Variants in ZMYM2 observed in about 807,000 individuals in gnomAD.
ZMYM2 encodes zinc finger MYM-type containing 2, also known as zinc finger MYM-type protein 2.
Under a neutral mutation model 162.8 loss-of-function variants are expected in ZMYM2, and 56 were observed. The observed-to-expected ratio is 0.34, with a 90% CI of 0.28 to 0.43. The LOEUF is 0.43. ZMYM2 is among the 20% of genes least tolerant of loss of function. The pLI, the probability that ZMYM2 is intolerant of heterozygous loss-of-function variation, is 1.00. For synonymous variants in ZMYM2, 510 were observed against 541.6 expected, an observed-to-expected ratio of 0.94 and a Z score of 0.81; for missense variants, 1,275 against 1,621.8, an observed-to-expected ratio of 0.79 and a Z score of 3.67.
intron 14 of ZMYM2, among the ~76,000 whole-genome samples, chr13:20,057,766 A>G (rs966370514): frequency 2.0e-5 from 3 of 152,226 alleles, no homozygotes; most frequent in African/African-American, 7.2e-5. Context: ...TTGCGACCAG[A>G]GGCTCACAGG....
At chr13:19,909,463 A>C in the ZMYM2 span, among the ~76,000 whole-genome samples, 1 of 112,050 alleles carries the variant, frequency 8.9e-6, no homozygotes, top group African/African-American at 3.6e-5. Flanking sequence ...CAAGAGTTTC[A>C]CTCTTGTCGT....
In ZMYM2 at chr13:20,087,534, A is replaced by T. The variant is rs1593305331; in HGVS notation, c.*1520A>T. On this transcript the variant is annotated 3_prime_UTR_variant, in exon 25 of 25. Transcript: ENST00000610343. ...CCATAGTGGCTAGCAATTGCTACAC[A>T]TCCTTAGATACTCCTCTCTCCCATA... The T allele has an allele frequency of 5.4e-6, 1 of 186,106 alleles. No homozygotes were observed. The highest frequency in any genetic ancestry group is 2.0e-4 in the South Asian group (1 of 5,114). 11.5% of individuals were successfully genotyped at this position (186,106 alleles called of 1,614,324 possible).
At chr13:20,083,127 G>C in intron 23 of ZMYM2, 95 bp downstream of exon 23, 2 of 1,309,000 alleles carry the variant, frequency 1.5e-6, no homozygotes, top group Non-Finnish European at 2.1e-6. Context: ...CAGTGGTGCA[G>C]TCTCGGCTCA....
chr13:19,872,419 G>A, the ZMYM2 span, among the ~76,000 whole-genome samples: 1 of 151,992 alleles, frequency 6.6e-6, no homozygotes, highest in African/African-American at 2.4e-5. Context: ...GCATGGTGGT[G>A]GGTGCCTGTA....
intron 12 of ZMYM2, among the ~76,000 whole-genome samples, chr13:20,045,104 A>C (rs374335603): frequency 3.2e-4 from 49 of 151,972 alleles, no homozygotes; most frequent in African/African-American, 1.2e-3. Context: ...CATGACTTCA[A>C]ATTTGTTAAG....
intron 7 of ZMYM2, among the ~76,000 whole-genome samples, chr13:20,022,989 TTTA>T (rs151289683): frequency 0.017 from 2,608 of 152,260 alleles, 32 homozygotes; most frequent in Middle Eastern, 0.051. Flanking sequence ...GCTGCTTTAT[TTTA>T]ATGTATTTAG....
chr13:19,903,411 G>A, the ZMYM2 span, among the ~76,000 whole-genome samples: 1,522 of 149,282 alleles, frequency 0.01, 32 homozygotes, highest in African/African-American at 0.036. Context: ...AGGCTGAGGC[G>A]GGCGGATCAC....
At chr13:19,952,821 T>C in the ZMYM2 span, among the ~76,000 whole-genome samples, 2 of 152,204 alleles carry the variant, frequency 1.3e-5, no homozygotes, top group African/African-American at 4.8e-5. Context: ...CTGAAGAAAC[T>C]GAGGCTCAAA....
chr13:19,865,762 G>A, the ZMYM2 span, among the ~76,000 whole-genome samples: 1 of 152,082 alleles, frequency 6.6e-6, no homozygotes. Flanking sequence ...CAATGAAAAC[G>A]CTCACCTCAG....
the ZMYM2 span, among the ~76,000 whole-genome samples, chr13:19,901,778 C>T: frequency 6.6e-6 from 1 of 151,904 alleles, no homozygotes; most frequent in Non-Finnish European, 1.5e-5. Flanking sequence ...CCTGGCCCAA[C>T]TTTTTTTAAA....
intron 2 of ZMYM2, among the ~76,000 whole-genome samples, chr13:19,978,247 C>G (rs1183072160): frequency 7.2e-5 from 11 of 152,160 alleles, no homozygotes; most frequent in Middle Eastern, 3.4e-3. Context: ...TGGATAGAAC[C>G]ACCAAACAGA....
At chr13:20,078,278 CTTTA>C (rs1957656079) in intron 21 of ZMYM2, among the ~76,000 whole-genome samples, 1 of 151,980 alleles carries the variant, frequency 6.6e-6, no homozygotes, top group South Asian at 2.1e-4. Context: ...ATTAATGAAG[CTTTA>C]TTCATATAAC....
chr13:19,961,694 G>A (rs901728522), intron 2 of ZMYM2, among the ~76,000 whole-genome samples: 3 of 152,194 alleles, frequency 2.0e-5, no homozygotes, highest in African/African-American at 4.8e-5. Flanking sequence ...GTCAACATAT[G>A]TATACTAACG....
chr13:19,901,926 C>G, the ZMYM2 span, among the ~76,000 whole-genome samples: 1 of 151,998 alleles, frequency 6.6e-6, no homozygotes, highest in Non-Finnish European at 1.5e-5. Flanking sequence ...AAGTAGCTAG[C>G]ACTATAGGCA....
the ZMYM2 span, among the ~76,000 whole-genome samples, chr13:19,895,392 T>C: frequency 6.6e-6 from 1 of 152,060 alleles, no homozygotes; most frequent in South Asian, 2.1e-4. Flanking sequence ...AAAAGGAATT[T>C]ACGGTAATTC....
the ZMYM2 span, among the ~76,000 whole-genome samples, chr13:19,893,100 G>A: frequency 2.0e-5 from 3 of 151,304 alleles, no homozygotes; most frequent in Non-Finnish European, 2.9e-5. Context: ...ACATAATAAT[G>A]TAGATGTAAT....
At chr13:19,991,532 T>C (rs1464721746) in intron 2 of ZMYM2, among the ~76,000 whole-genome samples, 2 of 152,142 alleles carry the variant, frequency 1.3e-5, no homozygotes, top group African/African-American at 4.8e-5. Context: ...TTTGAACTCT[T>C]GAGTTTTAGA....
At chr13:19,946,663 T>G in the ZMYM2 span, among the ~76,000 whole-genome samples, 1 of 152,206 alleles carries the variant, frequency 6.6e-6, no homozygotes, top group Non-Finnish European at 1.5e-5. Context: ...TGTGATTCAC[T>G]GTTGTATCCC....
the ZMYM2 span, among the ~76,000 whole-genome samples, chr13:19,884,819 A>G: frequency 6.6e-6 from 1 of 152,072 alleles, no homozygotes; most frequent in Non-Finnish European, 1.5e-5. Context: ...CCATACAACA[A>G]ACATTCCAGC....
Sources: allele counts gnomAD v4.1 joint callset (sites outside exome capture counted in the v4.1 genomes callset), GRCh38; gene constraint gnomAD v4.1.1; transcripts MANE v1.5; gene names NCBI Gene and HGNC (gene_info 2026-07-23, HGNC 2026-07-21).